BCKDHB: variants seen among roughly 807,000 people sequenced by gnomAD.
The protein encoded by BCKDHB is 2-oxoisovalerate dehydrogenase subunit beta, mitochondrial.
In BCKDHB, 41 loss-of-function variants were observed where a neutral mutation model predicts 48.5. The observed-to-expected ratio is 0.85, with a 90% CI of 0.66 to 1.10. The LOEUF is 1.10. Among genes scored for constraint, BCKDHB ranks in the 50% least tolerant of loss-of-function variants. The pLI is 0.00. For synonymous variants in BCKDHB, 201 were observed against 174.8 expected (o/e 1.15, Z -1.18); for missense variants, 496 against 494.2 (o/e 1.00, Z -0.03).
At chr6:80,211,355 A>C (rs1394870302) in intron 8 of BCKDHB, among the ~76,000 whole-genome samples, 1 of 152,180 alleles carries the variant, frequency 6.6e-6, no homozygotes, top group Non-Finnish European at 1.5e-5. Context: ...TAAATTCCAA[A>C]GCATATCCTG....
chr6:80,389,554 G>T, the BCKDHB span, among the ~76,000 whole-genome samples: 5 of 152,224 alleles, frequency 3.3e-5, no homozygotes, highest in Non-Finnish European at 7.3e-5. Flanking sequence ...ATGGACTCAT[G>T]AAATGCTTTA....
chr6:80,312,006 A>G (rs1319874376), intron 9 of BCKDHB, among the ~76,000 whole-genome samples: 1 of 152,202 alleles, frequency 6.6e-6, no homozygotes, highest in African/African-American at 2.4e-5. Flanking sequence ...GAATCTATAA[A>G]CTGCTTTGGG....
intron 5 of BCKDHB, among the ~76,000 whole-genome samples, chr6:80,170,785 A>C (rs1772875288): frequency 6.6e-6 from 1 of 152,168 alleles, no homozygotes; most frequent in Admixed American, 6.6e-5. Flanking sequence ...TGGTGCCTGG[A>C]CTGTAAAACT....
At chr6:80,161,320 AATT>A (rs1413663811) in intron 3 of BCKDHB, among the ~76,000 whole-genome samples, 6 of 152,290 alleles carry the variant, frequency 3.9e-5, no homozygotes, top group African/African-American at 1.4e-4. Flanking sequence ...AGCTGTGTGA[AATT>A]ATTATCTTAT....
At chr6:80,170,766 T>G (rs544780628) in intron 5 of BCKDHB, among the ~76,000 whole-genome samples, 2 of 152,304 alleles carry the variant, frequency 1.3e-5, no homozygotes, top group East Asian at 3.9e-4. Context: ...GCTATATAAC[T>G]GGACACTATG....
At chr6:80,330,798 C>A (rs1040594) in intron 9 of BCKDHB, among the ~76,000 whole-genome samples, 15 of 151,950 alleles carry the variant, frequency 9.9e-5, no homozygotes, top group African/African-American at 1.9e-4. Context: ...GTCAGTTTTC[C>A]TTCTCATATG....
intron 9 of BCKDHB, among the ~76,000 whole-genome samples, chr6:80,321,045 C>T (rs1019205355): frequency 1.3e-5 from 2 of 152,048 alleles, no homozygotes; most frequent in Non-Finnish European, 2.9e-5. Flanking sequence ...AGATTCTATC[C>T]TAACCTAAAC....
chr6:80,247,153 A>G (rs562847235), intron 8 of BCKDHB, among the ~76,000 whole-genome samples: 35 of 152,348 alleles, frequency 2.3e-4, no homozygotes, highest in African/African-American at 7.0e-4. Flanking sequence ...CTCTTAGAGA[A>G]TGTGGGTTGC....
the BCKDHB span, among the ~76,000 whole-genome samples, chr6:80,352,963 C>A: frequency 6.6e-6 from 1 of 152,116 alleles, no homozygotes; most frequent in Non-Finnish European, 1.5e-5. Context: ...ACATGCATAG[C>A]TTGCATAGTC....
the BCKDHB span, among the ~76,000 whole-genome samples, chr6:80,414,753 A>G: frequency 2.4e-4 from 37 of 152,138 alleles, 1 homozygote; most frequent in Admixed American, 2.4e-3. Flanking sequence ...TTATGGTTCC[A>G]TAGAAATTTT....
chr6:80,407,915 G>T, the BCKDHB span, among the ~76,000 whole-genome samples: 2 of 152,150 alleles, frequency 1.3e-5, no homozygotes, highest in Non-Finnish European at 2.9e-5. Context: ...TTGAGAGAGG[G>T]CATCCTTGTC....
At chr6:80,218,047 G>C (rs561082741) in intron 8 of BCKDHB, among the ~76,000 whole-genome samples, 1 of 152,286 alleles carries the variant, frequency 6.6e-6, no homozygotes, top group Admixed American at 6.5e-5. Flanking sequence ...CTGTGGCTCT[G>C]CTTTGCGTTT....
the BCKDHB span, among the ~76,000 whole-genome samples, chr6:80,378,449 G>A: frequency 1.3e-5 from 2 of 152,036 alleles, no homozygotes; most frequent in Non-Finnish European, 2.9e-5. Flanking sequence ...TCCACTGTGT[G>A]TGTGTATGTG....
chr6:80,436,356 G>T, the BCKDHB span, among the ~76,000 whole-genome samples: 2 of 151,674 alleles, frequency 1.3e-5, no homozygotes, highest in African/African-American at 4.8e-5. Flanking sequence ...TAGAGATGGG[G>T]TTTCACCGTG....
At chr6:80,177,409 G>C (rs910482887) in intron 6 of BCKDHB, among the ~76,000 whole-genome samples, 1 of 151,862 alleles carries the variant, frequency 6.6e-6, no homozygotes, top group Non-Finnish European at 1.5e-5. Flanking sequence ...ACAGATAACG[G>C]GGGAATTGAT....
chr6:80,318,386 A>G (rs1768547213), intron 9 of BCKDHB, among the ~76,000 whole-genome samples: 1 of 152,140 alleles, frequency 6.6e-6, no homozygotes, highest in Non-Finnish European at 1.5e-5. Context: ...TCAACCAACC[A>G]CAGATCAAAA....
chr6:80,118,543 A>G lies in BCKDHB; in HGVS notation c.197-9004A>G, dbSNP rs528363670. Among the ~76,000 whole-genome samples, 70 of 152,130 alleles carry G rather than the reference A, an allele frequency of 4.6e-4. No homozygotes were observed. The South Asian group carries it at 8.7e-3, about 19-fold the overall frequency. ...TTCATTAAAAAAAAAAAAGACAACA[A>G]TGAAGTTTGCTGCATTGATAGAATC... is the stretch of plus-strand genomic sequence containing the variant. On this transcript the variant is annotated intron_variant, in intron 1 of 9. Transcript: ENST00000320393.
chr6:80,268,732 A>G (rs1250499813), intron 8 of BCKDHB, among the ~76,000 whole-genome samples: 1 of 152,082 alleles, frequency 6.6e-6, no homozygotes, highest in Non-Finnish European at 1.5e-5. Context: ...TAGAATAACA[A>G]CTTAACAGTT....
chr6:80,291,670 A>C (rs1233573723), intron 9 of BCKDHB, among the ~76,000 whole-genome samples: 5 of 151,814 alleles, frequency 3.3e-5, no homozygotes, highest in Admixed American at 3.3e-4. Context: ...TTTTTTTCTG[A>C]GTAGCAGCCA....
Sources: allele counts gnomAD v4.1 joint callset (sites outside exome capture counted in the v4.1 genomes callset), GRCh38; gene constraint gnomAD v4.1.1; transcripts MANE v1.5; gene names NCBI Gene and HGNC (gene_info 2026-07-23, HGNC 2026-07-21).